Variants in LAMA3 observed in about 807,000 individuals in gnomAD.
LAMA3 encodes laminin subunit alpha 3.
A neutral mutation model predicts 402.0 loss-of-function variants in LAMA3; 281 were observed. That is an observed-to-expected ratio of 0.70 (90% CI 0.63 to 0.77). The LOEUF is 0.77. Ranked by LOEUF, LAMA3 falls within the 30% of genes least tolerant of loss-of-function variation. The pLI is 0.00. For synonymous variants in LAMA3, 1,431 were observed against 1,558.4 expected, an observed-to-expected ratio of 0.92 and a Z score of 1.93; for missense variants, 3,840 against 4,215.5, an observed-to-expected ratio of 0.91 and a Z score of 2.47.
chr18:23,881,350 T>G (rs1202103904), intron 39 of LAMA3, among the ~76,000 whole-genome samples: 4 of 152,246 alleles, frequency 2.6e-5, no homozygotes, highest in African/African-American at 9.6e-5. Context: ...TTTATTGTTT[T>G]AACAAATTCT....
At chr18:23,792,302 C>T (rs906261960) in intron 12 of LAMA3, among the ~76,000 whole-genome samples, 2 of 152,292 alleles carry the variant, frequency 1.3e-5, no homozygotes. Flanking sequence ...ACTTCAAGAG[C>T]ATAGCGCCAC....
Position 23,871,360 on chromosome 18 carries a change from G to A in LAMA3, c.4768-71G>A, listed in dbSNP as rs376705717. The A allele has an allele frequency of 1.3e-3, 1,633 of 1,217,348 alleles. 29 individuals are homozygous for A. In the South Asian group the frequency reaches 0.019, roughly 14 times the overall value. The allele number at this position is 1,217,348 out of a possible 1,614,324, so 75.4% of individuals were successfully genotyped here. ...GTCTTGTTTTTGATTCATTCGGGGT[G>A]TCTGCCTCTAAGGAACCCCTGGAAG... On this transcript the variant is annotated intron_variant, in intron 37 of 74. Transcript: ENST00000313654.
intron 2 of LAMA3, among the ~76,000 whole-genome samples, chr18:23,714,885 CA>C (rs2061067318): frequency 6.6e-6 from 1 of 152,164 alleles, no homozygotes; most frequent in African/African-American, 2.4e-5. Flanking sequence ...TGTGAATTGA[CA>C]ACTCTAGGAA....
chr18:23,849,703 A>C (rs569208482), intron 32 of LAMA3, among the ~76,000 whole-genome samples: 28 of 152,344 alleles, frequency 1.8e-4, no homozygotes, highest in African/African-American at 6.7e-4. Context: ...ATAGACTGGA[A>C]TATTCCTAAC....
At position 23,758,499 on chromosome 18, in the gene LAMA3, C is replaced by T; in HGVS notation, c.1051C>T (p.His351Tyr). Residue 351 changes from histidine (H) to tyrosine (Y), a missense_variant, in exon 7 of 75, where the codon CAC becomes TAC. By Grantham distance (83) the His-to-Tyr change is moderately conservative. Around this residue, in one of 3 missense-constraint regions of LAMA3, gnomAD observed 2,109 missense variants for 2,376.0 expected, o/e 0.89. Transcript: ENST00000313654. ...RWRPAAWEQSHECEACNCHGH... is the reference protein window; with the variant it reads ...RWRPAAWEQSYECEACNCHGH... ...GCGGCCCGCCGCTTGGGAGCAGAGC[C>T]ACGAGTGTGAAGGTGGGTGTGGGGA... 6.2e-7 allele frequency: 1 copy of T among 1,613,866 alleles called. No homozygotes were observed. Among genetic ancestry groups the T allele is most frequent in the Non-Finnish European group, 8.5e-7 (1 of 1,179,878 alleles).
chr18:23,932,331 C>A (rs1226987079), intron 66 of LAMA3, 40 bp downstream of exon 66: 2 of 1,609,220 alleles, frequency 1.2e-6, no homozygotes, highest in Non-Finnish European at 1.7e-6. Context: ...ATGAGAACGG[C>A]CTGCCCATGG....
chr18:23,868,971 T>A (rs2064435846), intron 37 of LAMA3, among the ~76,000 whole-genome samples: 1 of 152,184 alleles, frequency 6.6e-6, no homozygotes, highest in Non-Finnish European at 1.5e-5. Context: ...ATCTATACAA[T>A]GGAATACTAT....
At chr18:23,810,563 C>G in intron 13 of LAMA3, 60 bp downstream of exon 13, 1 of 1,597,124 alleles carries the variant, frequency 6.3e-7, no homozygotes, top group South Asian at 1.1e-5. Flanking sequence ...TGCAGCCAGC[C>G]TCCCAGAGAA....
intron 74 of LAMA3, among the ~76,000 whole-genome samples, chr18:23,954,264 T>C (rs1479399782): frequency 6.6e-6 from 1 of 151,452 alleles, no homozygotes; most frequent in African/African-American, 2.4e-5. Flanking sequence ...TAGCCCAGGG[T>C]GGTGGCCCAC....
intron 55 of LAMA3, among the ~76,000 whole-genome samples, chr18:23,911,678 C>T (rs2081428829): frequency 1.3e-5 from 2 of 151,120 alleles, no homozygotes; most frequent in African/African-American, 2.4e-5. Flanking sequence ...TTTTTCAGGA[C>T]TGAACACCTA....
chr18:23,904,441 T>TAAA, intron 50 of LAMA3, 112 bp from the exon 51 acceptor site: 2 of 1,000,078 alleles, frequency 2.0e-6, no homozygotes, highest in Non-Finnish European at 2.8e-6. Context: ...TTCCATTTCT[T>TAAA]AAAAAAAAAA....
At chr18:23,799,604 G>A (rs966354125) in intron 12 of LAMA3, among the ~76,000 whole-genome samples, 2 of 152,192 alleles carry the variant, frequency 1.3e-5, no homozygotes, top group Admixed American at 1.3e-4. Context: ...TGCGCTCCAG[G>A]CAGCTACCCT....
Position 23,838,799 on chromosome 18 carries a change from C to A in LAMA3, c.3112C>A (p.Pro1038Thr), listed in dbSNP as rs1291240430. Reference sequence around the variant, plus strand: ...TCACTAGCATCAAGTTTGTATCATACCTATTGAAGAATTCTCAGCTGAGTA... The same window carrying A: ...TCACTAGCATCAAGTTTGTATCATAACTATTGAAGAATTCTCAGCTGAGTA... ...RFLLHQVCII[P>T]IEEFSAEYVR... The change falls in exon 26 of 75, where the codon CCT (proline) becomes ACT (threonine). Residue 1038 changes from proline (P) to threonine (T), a missense_variant. Transcript: ENST00000313654. The A allele has an allele frequency of 2.5e-6, 4 of 1,606,712 alleles. No homozygotes were observed. Among genetic ancestry groups the A allele is most frequent in the Non-Finnish European group, 3.4e-6 (4 of 1,173,354 alleles).
intron 28 of LAMA3, 35 bp downstream of exon 28, chr18:23,842,556 C>T: frequency 3.1e-6 from 5 of 1,614,226 alleles, no homozygotes; most frequent in Non-Finnish European, 4.2e-6. Context: ...CTGCCTGCCT[C>T]AGGCTGAATC....
rs1161604156 is a variant in LAMA3 at position 23,846,409 on chromosome 18, T to C, written c.3832T>C (p.Cys1278Arg). ...CHPTGATGPHCSPEGGQCPCQ... is the reference protein window; with the variant it reads ...CHPTGATGPHRSPEGGQCPCQ... ...CCCCACTGGGGCCACCGGCCCTCAC[T>C]GCAGCCCTGAGGGTGGGCAGTGCCC... The change falls in exon 31 of 75, where the codon TGC (cysteine) becomes CGC (arginine). Residue 1278 changes from cysteine (C) to arginine (R), a missense_variant. Cys to Arg is a radical substitution (Grantham distance 180). This residue lies in a region of LAMA3 where 2,109 missense variants were observed against 2,376.0 expected (regional missense o/e 0.89). Coordinates refer to ENST00000313654, the MANE Select transcript of LAMA3 (RefSeq NM_198129.4). 1 of 1,614,062 alleles carries C rather than the reference T, an allele frequency of 6.2e-7. No individual in the cohort carries two copies. Among genetic ancestry groups the C allele is most frequent in the South Asian group, 1.1e-5 (1 of 91,090 alleles).
chr18:23,916,032 G>GA (rs1161975680), intron 59 of LAMA3, among the ~76,000 whole-genome samples: 13 of 116,336 alleles, frequency 1.1e-4, no homozygotes, highest in African/African-American at 4.1e-4. Context: ...AAAAAAAAAA[G>GA]AAAAGAAAAG....
chr18:23,894,853 G>T, intron 43 of LAMA3, 54 bp from the exon 44 acceptor site: 1 of 1,612,154 alleles, frequency 6.2e-7, no homozygotes, highest in Non-Finnish European at 8.5e-7. Flanking sequence ...TGGTCTTTTC[G>T]CAGTCCCACG....
chr18:23,788,433 CAG>C (rs2062588110), intron 12 of LAMA3, among the ~76,000 whole-genome samples: 3 of 151,526 alleles, frequency 2.0e-5, no homozygotes, highest in African/African-American at 7.3e-5. Flanking sequence ...AGTCATGAAA[CAG>C]AGTAAAAATT....
intron 12 of LAMA3, among the ~76,000 whole-genome samples, chr18:23,786,894 A>G (rs985299432): frequency 2.6e-5 from 4 of 152,260 alleles, no homozygotes; most frequent in Non-Finnish European, 4.4e-5. Flanking sequence ...GTGGCTCAAC[A>G]GTAAATTGAG....
Sources: gnomAD v4.1 joint callset for allele counts (sites outside exome capture counted in the v4.1 genomes callset) on GRCh38, gnomAD v4.1.1 for gene constraint, gnomAD v4.1.1 regional missense constraint, MANE v1.5 for transcripts, NCBI Gene and HGNC (gene_info 2026-07-23, HGNC 2026-07-21) for gene names.